The following GPR139 variants were observed in gnomAD, a reference collection of about 807,000 sequenced individuals.
GPR139 encodes the protein probable G protein-coupled receptor 139.
A neutral mutation model predicts 25.8 loss-of-function variants in GPR139; 12 were observed. The ratio of observed to expected loss-of-function variants is 0.47; its 90% CI spans 0.30 to 0.75. The LOEUF is 0.75. Among genes scored for constraint, GPR139 ranks in the 30% least tolerant of loss-of-function variants. GPR139 has a pLI of 0.07. For synonymous variants in GPR139, 184 were observed against 179.9 expected, an observed-to-expected ratio of 1.02 and a Z score of -0.18; for missense variants, 380 against 450.2, an observed-to-expected ratio of 0.84 and a Z score of 1.41.
rs978678500 is a variant in GPR139, at chr16:20,073,028, G to T, written c.127+462C>A. On this transcript the variant is annotated intron_variant, in intron 1 of 1. Coordinates refer to ENST00000570682, the MANE Select transcript of GPR139 (RefSeq NM_001002911.4). The surrounding 1 kb of genome is among the most constrained non-coding windows in gnomAD (Gnocchi z 4.7). ...CCAGCTTCATCTCGTGTCAGGCGGG[G>T]ACACGCAGAGGGGCAGAGGTGCCCC... Among the ~76,000 whole-genome samples the T allele has an allele frequency of 2.0e-5, 3 of 152,190 alleles. No homozygotes were observed. Among genetic ancestry groups the T allele is most frequent in the Admixed American group, 6.5e-5 (1 of 15,288 alleles).
chr16:20,031,663 C>A lies in GPR139; in HGVS notation c.*72G>T. 1 of 1,200,176 alleles carries A rather than the reference C, an allele frequency of 8.3e-7. No individual in the cohort carries two copies. The highest frequency in any genetic ancestry group is 1.2e-6 in the Non-Finnish European group (1 of 820,754). 74.3% of individuals were successfully genotyped at this position (1,200,176 alleles called of 1,614,324 possible). On this transcript the variant is annotated 3_prime_UTR_variant, in exon 2 of 2. Coordinates refer to ENST00000570682, the MANE Select transcript of GPR139 (RefSeq NM_001002911.4). The stretch of plus-strand genomic sequence containing the variant: ...ATTAGCACTCTTAAGGAGAGCTGCT[C>A]AGCCATAGGATGGGACACCTTCCCA...
intron 1 of GPR139, among the ~76,000 whole-genome samples, chr16:20,055,951 G>C (rs557335913): frequency 1.3e-5 from 2 of 152,314 alleles, no homozygotes; most frequent in Admixed American, 1.3e-4. Flanking sequence ...GTTAATTCAG[G>C]TAATGTGTTT....
intron 1 of GPR139, among the ~76,000 whole-genome samples, chr16:20,067,019 A>T (rs1042577632): frequency 6.6e-6 from 1 of 152,160 alleles, no homozygotes; most frequent in Non-Finnish European, 1.5e-5. Flanking sequence ...AGATGGGAAA[A>T]CCGGGGCTCA....
At chr16:20,052,751 T>C (rs918659067) in intron 1 of GPR139, among the ~76,000 whole-genome samples, 1 of 145,806 alleles carries the variant, frequency 6.9e-6, no homozygotes, top group South Asian at 2.2e-4. Context: ...ATCGCGCCAC[T>C]GCACTCAAGC....
Position 20,030,071 on chromosome 16 carries a change from A to T in GPR139, c.*1664T>A, listed in dbSNP as rs2057281969. On this transcript the variant is annotated 3_prime_UTR_variant, in exon 2 of 2. Coordinates refer to ENST00000570682, the MANE Select transcript of GPR139 (RefSeq NM_001002911.4). ...TTTAAAAGGGGTAAGAATTAGGATC[A>T]TCAGGACTAATATGACCTAAGTTTG... Among the ~76,000 whole-genome samples, 2 of 152,246 alleles carry T rather than the reference A, an allele frequency of 1.3e-5. No homozygotes were observed. The highest frequency in any genetic ancestry group is 6.5e-5 in the Admixed American group (1 of 15,288).
At position 20,030,269 on chromosome 16, in the gene GPR139, A is replaced by C. The variant is rs745894090; in HGVS notation, c.*1466T>G. Among the ~76,000 whole-genome samples the C allele has an allele frequency of 2.6e-5, 4 of 152,210 alleles. No individual in the cohort carries two copies. Among genetic ancestry groups the C allele is most frequent in the African/African-American group, 4.8e-5 (2 of 41,454 alleles). On this transcript the variant is annotated 3_prime_UTR_variant, in exon 2 of 2. Transcript: ENST00000570682. ...CTGAGGAACTAAATATTCCAGGTGGACTGTCTGCCGTTTTTTGGTCACCAA... is the reference window on the plus strand; with the variant it reads ...CTGAGGAACTAAATATTCCAGGTGGCCTGTCTGCCGTTTTTTGGTCACCAA...
In GPR139 at chr16:20,032,669, G is replaced by C. The variant is rs1461790339; in HGVS notation, c.128C>G (p.Ala43Gly). ...GAGGATGATCACTGTCAAGATATTT[G>C]CTGTGGAGAGAAGAAAAACTGGTTT... ...YSLLLCLGLP[A>G]NILTVIILSQ... The change falls in exon 2 of 2, where the codon GCA becomes GGA. Residue 43 changes from alanine (A) to glycine (G), a missense_variant and splice_region_variant. Physicochemically the swap from Ala to Gly is moderately conservative, Grantham distance 60. Coordinates refer to ENST00000570682, the MANE Select transcript of GPR139 (RefSeq NM_001002911.4). 6.3e-7 allele frequency: 1 copy of C among 1,595,240 alleles called. No individual in the cohort carries two copies. Among genetic ancestry groups the C allele is most frequent in the South Asian group, 1.1e-5 (1 of 89,990 alleles).
chr16:20,063,556 C>T (rs930519450), intron 1 of GPR139, among the ~76,000 whole-genome samples: 4 of 152,202 alleles, frequency 2.6e-5, no homozygotes, highest in African/African-American at 9.7e-5. Flanking sequence ...GTTAAACATA[C>T]ACTAGCACCA....
intron 1 of GPR139, among the ~76,000 whole-genome samples, chr16:20,064,074 C>T (rs2057423225): frequency 6.6e-6 from 1 of 152,150 alleles, no homozygotes; most frequent in South Asian, 2.1e-4. Context: ...AACTCACTTT[C>T]TATCATGAGA....
chr16:20,046,139 T>C (rs187306648), intron 1 of GPR139, among the ~76,000 whole-genome samples: 1 of 152,324 alleles, frequency 6.6e-6, no homozygotes, highest in Non-Finnish European at 1.5e-5. Context: ...AGCTTATCAA[T>C]TGTGCATACA....
chr16:20,057,935 T>C (rs1280423365), intron 1 of GPR139, among the ~76,000 whole-genome samples: 3 of 152,184 alleles, frequency 2.0e-5, no homozygotes, highest in Non-Finnish European at 4.4e-5. Context: ...TTCATGTGCA[T>C]CTCTGTCTTT....
chr16:20,059,839 C>T (rs565487537), intron 1 of GPR139, among the ~76,000 whole-genome samples: 3 of 152,172 alleles, frequency 2.0e-5, no homozygotes, highest in Non-Finnish European at 2.9e-5. Context: ...CAGCTAACAA[C>T]GTTGCAGCAC....
chr16:20,035,539 G>A (rs2057307072), intron 1 of GPR139, among the ~76,000 whole-genome samples: 1 of 152,228 alleles, frequency 6.6e-6, no homozygotes, highest in Non-Finnish European at 1.5e-5. Flanking sequence ...GACATGGTCT[G>A]TTTAGCCTGC....
chr16:20,048,547 T>A (rs923050077), intron 1 of GPR139, among the ~76,000 whole-genome samples: 2 of 152,206 alleles, frequency 1.3e-5, no homozygotes, highest in African/African-American at 4.8e-5. Context: ...GCAGGAAATA[T>A]AAATGTGTGG....
intron 1 of GPR139, among the ~76,000 whole-genome samples, chr16:20,048,708 C>CA (rs2057361978): frequency 6.6e-6 from 1 of 152,192 alleles, no homozygotes; most frequent in East Asian, 1.9e-4. Context: ...GGCTTGCAAG[C>CA]AACACAGTTA....
At chr16:20,063,743 G>C (rs962288029) in intron 1 of GPR139, among the ~76,000 whole-genome samples, 1 of 152,156 alleles carries the variant, frequency 6.6e-6, no homozygotes, top group Non-Finnish European at 1.5e-5. Flanking sequence ...TACTCCTTTT[G>C]CTTCCTCCTA....
chr16:20,056,399 A>G (rs1229540795), intron 1 of GPR139, among the ~76,000 whole-genome samples: 1 of 152,224 alleles, frequency 6.6e-6, no homozygotes, highest in African/African-American at 2.4e-5. Context: ...ACGAAAGAAC[A>G]ATGGAAGGTC....
At position 20,029,430 on chromosome 16, in the gene GPR139, G is replaced by A. The variant is rs985195486; in HGVS notation, c.*2305C>T. On this transcript the variant is annotated 3_prime_UTR_variant, in exon 2 of 2. Transcript: ENST00000570682. ...AGATATTGCACTTTGACTCATTCAT[G>A]TGTAGCTCAAACTAGCATTTTTCAG... Among the ~76,000 whole-genome samples the A allele has an allele frequency of 1.3e-5, 2 of 151,658 alleles. No homozygotes were observed. Among genetic ancestry groups the A allele is most frequent in the African/African-American group, 2.4e-5 (1 of 41,304 alleles).
Position 20,073,844 on chromosome 16 carries a change from G to A in GPR139, c.-228C>T, listed in dbSNP as rs114840593. 2 of 509,586 alleles carry A rather than the reference G, an allele frequency of 3.9e-6. No homozygotes were observed. Among genetic ancestry groups the A allele is most frequent in the Non-Finnish European group, 6.5e-6 (2 of 307,052 alleles). The allele number at this position is 509,586 out of a possible 1,614,324, so 31.6% of individuals were successfully genotyped here. A position where few individuals can be genotyped will look rare whatever the true frequency, so the allele number is the denominator to read the frequency against. On this transcript the variant is annotated 5_prime_UTR_variant, in exon 1 of 2. Transcript: ENST00000570682. This position sits in a 1 kb window ranked among gnomAD's most constrained non-coding sequence, Gnocchi z 4.7. ...CGCAGGGCGCGGGGCGCAGGGTGCG[G>A]GGCGCGCTGCGCGGGGCCTCGGGAG...
Sources: allele counts gnomAD v4.1 joint callset (sites outside exome capture counted in the v4.1 genomes callset), GRCh38; gene constraint gnomAD v4.1.1; non-coding constraint Gnocchi (gnomAD v3.1); transcripts MANE v1.5; gene names NCBI Gene and HGNC (gene_info 2026-07-23, HGNC 2026-07-21).